The following TCTN1 variants were observed in gnomAD, a reference collection of about 807,000 sequenced individuals.
TCTN1 encodes the protein tectonic family member 1.
In TCTN1, 58 loss-of-function variants were observed where a neutral mutation model predicts 65.8. The ratio of observed to expected loss-of-function variants is 0.88; its 90% CI spans 0.71 to 1.10. TCTN1 has a LOEUF of 1.10. Among genes scored for constraint, TCTN1 ranks in the 50% least tolerant of loss-of-function variants. The probability of loss-of-function intolerance (pLI) is 0.00; values close to 1 mark genes in which losing one functional copy is unlikely to be tolerated. For missense variants in TCTN1, 645 were observed against 719.4 expected, an observed-to-expected ratio of 0.90 and a Z score of 1.18; for synonymous variants, 273 against 289.1, an observed-to-expected ratio of 0.94 and a Z score of 0.57.
intron 2 of TCTN1, among the ~76,000 whole-genome samples, chr12:110,625,014 A>G (rs1279857964): frequency 6.6e-6 from 1 of 152,206 alleles, no homozygotes; most frequent in Non-Finnish European, 1.5e-5. Flanking sequence ...ACTTCTAAGC[A>G]TTAAACCTTC....
intron 12 of TCTN1, 130 bp from the exon 13 acceptor site, chr12:110,647,066 C>A: frequency 9.0e-7 from 1 of 1,114,150 alleles, no homozygotes; most frequent in Non-Finnish European, 1.3e-6. Flanking sequence ...CTGTTTTTAT[C>A]TGAACTTGTA....
At chr12:110,648,979 T>TGAAAATAAGAGACTTTTCTAGAA (rs2067638969) in intron 14 of TCTN1, 64 bp from the exon 15 acceptor site, 3 of 446,820 alleles carry the variant, frequency 6.7e-6, no homozygotes. Flanking sequence ...TAGAACAGCT[T>TGAAAATAAGAGACTTTTCTAGAA]GAAAATAAGA....
intron 1 of TCTN1, among the ~76,000 whole-genome samples, chr12:110,619,251 A>G (rs2065256416): frequency 1.3e-5 from 2 of 152,124 alleles, no homozygotes; most frequent in Non-Finnish European, 2.9e-5. Context: ...CTCATACCTT[A>G]TTGTCTAAAT....
At chr12:110,620,089 A>G (rs1230269698) in intron 2 of TCTN1, 133 bp downstream of exon 2, 2 of 1,356,652 alleles carry the variant, frequency 1.5e-6, no homozygotes, top group Non-Finnish European at 2.1e-6. Flanking sequence ...CTGAAGCCAT[A>G]CCGTCCAAAC....
intron 6 of TCTN1, chr12:110,636,249 G>T: frequency 2.1e-6 from 1 of 467,912 alleles, no homozygotes; most frequent in Admixed American, 3.4e-5. Flanking sequence ...AGCTTGGTGA[G>T]CTTCTACCTG....
chr12:110,636,220 A>G (rs565088923), intron 6 of TCTN1: 7 of 441,494 alleles, frequency 1.6e-5, no homozygotes, highest in African/African-American at 1.4e-4. Context: ...ACCCTGGAGC[A>G]TGGAGCCTTC....
At chr12:110,641,661 TTTCTCTCTCCATG>T (rs1384139219) in intron 10 of TCTN1, 34 bp downstream of exon 10, 1 of 1,589,022 alleles carries the variant, frequency 6.3e-7, no homozygotes, top group Non-Finnish European at 8.6e-7. Context: ...GGTGGATTTA[TTTCTCTCTCCATG>T]TGCGTGGGCT....
At chr12:110,627,223 G>T (rs1298709492) in intron 3 of TCTN1, among the ~76,000 whole-genome samples, 4 of 149,592 alleles carry the variant, frequency 2.7e-5, no homozygotes, top group Non-Finnish European at 5.9e-5. Flanking sequence ...TCAGCCTCCC[G>T]AGTAGCTGAG....
chr12:110,638,111 G>A (rs1040937901), intron 7 of TCTN1, among the ~76,000 whole-genome samples: 1 of 152,094 alleles, frequency 6.6e-6, no homozygotes, highest in Admixed American at 6.5e-5. Context: ...GCTGCCCATG[G>A]CTGCACAGCT....
chr12:110,640,145 A>C lies in TCTN1; in HGVS notation c.844-238A>C, dbSNP rs1290310868. On this transcript the variant is annotated intron_variant, in intron 7 of 14. Transcript: ENST00000397659. The surrounding 1 kb of genome is among the most constrained non-coding windows in gnomAD (Gnocchi z 4.9). ...GTGTACAAGTTTTTGTGTAAACTTT[A>C]TGTTTTCAGAGGTAACTACTTTTAA... Among the ~76,000 whole-genome samples, 1 of 152,178 alleles carries C rather than the reference A, an allele frequency of 6.6e-6. No homozygotes were observed. The highest frequency in any genetic ancestry group is 1.5e-5 in the Non-Finnish European group (1 of 68,020).
At chr12:110,622,264 A>G (rs2065484745) in intron 2 of TCTN1, among the ~76,000 whole-genome samples, 1 of 152,160 alleles carries the variant, frequency 6.6e-6, no homozygotes, top group Admixed American at 6.5e-5. Context: ...CACCAGGCCA[A>G]AAACCTGGAG....
intron 2 of TCTN1, among the ~76,000 whole-genome samples, chr12:110,620,703 C>T (rs1299891884): frequency 6.6e-6 from 1 of 151,988 alleles, no homozygotes; most frequent in East Asian, 1.9e-4. Context: ...CAGGAATTCT[C>T]ACAGTTCGCA....
chr12:110,623,697 TC>T (rs1391384586), intron 2 of TCTN1, among the ~76,000 whole-genome samples: 1 of 152,160 alleles, frequency 6.6e-6, no homozygotes, highest in Non-Finnish European at 1.5e-5. Context: ...CAAGCAGTCC[TC>T]CTACCTCAGC....
At chr12:110,648,322 C>A (rs1425476773) in intron 14 of TCTN1, among the ~76,000 whole-genome samples, 3 of 152,198 alleles carry the variant, frequency 2.0e-5, no homozygotes, top group Non-Finnish European at 2.9e-5. Flanking sequence ...CACTGCCCTT[C>A]TCCACTCCCT....
At chr12:110,623,709 C>T (rs2065612707) in intron 2 of TCTN1, among the ~76,000 whole-genome samples, 1 of 152,160 alleles carries the variant, frequency 6.6e-6, no homozygotes, top group Non-Finnish European at 1.5e-5. Context: ...CTACCTCAGC[C>T]TCCCAAGTAG....
chr12:110,637,255 C>T (rs892958906), intron 7 of TCTN1, among the ~76,000 whole-genome samples: 1 of 152,228 alleles, frequency 6.6e-6, no homozygotes, highest in Admixed American at 6.5e-5. Flanking sequence ...CGTGCAGAGG[C>T]ATGACACAAG....
chr12:110,638,508 C>T (rs1565995352), intron 7 of TCTN1, among the ~76,000 whole-genome samples: 1 of 152,134 alleles, frequency 6.6e-6, no homozygotes, highest in Non-Finnish European at 1.5e-5. Flanking sequence ...TCCAGGGTAG[C>T]CCTGTAGTTT....
At chr12:110,634,126 T>A (rs2066404247) in intron 5 of TCTN1, among the ~76,000 whole-genome samples, 1 of 152,190 alleles carries the variant, frequency 6.6e-6, no homozygotes, top group Non-Finnish European at 1.5e-5. Flanking sequence ...GAATAGTGTA[T>A]ATATTGTACA....
chr12:110,640,950 G>T lies in TCTN1; in HGVS notation c.979-74G>T. On this transcript the variant is annotated intron_variant, in intron 8 of 14. Coordinates refer to ENST00000397659, the MANE Select transcript of TCTN1 (RefSeq NM_001082538.3). This position sits in a 1 kb window ranked among gnomAD's most constrained non-coding sequence, Gnocchi z 4.9. ...AACAGGGAAAGATTTGCTATCTATGGGTGTTTTCAGTTATTCATACAGCTT... is the reference window on the plus strand; with the variant it reads ...AACAGGGAAAGATTTGCTATCTATGTGTGTTTTCAGTTATTCATACAGCTT... The T allele has an allele frequency of 1.3e-6, 2 of 1,593,684 alleles. No individual in the cohort carries two copies. Among genetic ancestry groups the T allele is most frequent in the East Asian group, 2.2e-5 (1 of 44,758 alleles).
Sources: gnomAD v4.1 joint callset for allele counts (sites outside exome capture counted in the v4.1 genomes callset) on GRCh38, gnomAD v4.1.1 for gene constraint, Gnocchi (gnomAD v3.1) non-coding constraint, MANE v1.5 for transcripts, NCBI Gene and HGNC (gene_info 2026-07-23, HGNC 2026-07-21) for gene names.